The following KATNIP variants were observed in gnomAD, a reference collection of about 807,000 sequenced individuals.
The protein encoded by KATNIP is katanin-interacting protein.
In KATNIP, 126 loss-of-function variants were observed where a neutral mutation model predicts 174.0. The observed-to-expected ratio is 0.72, with a 90% CI of 0.63 to 0.84. KATNIP has a LOEUF of 0.84. Ranked by LOEUF, KATNIP falls within the 40% of genes least tolerant of loss-of-function variation. The probability of loss-of-function intolerance (pLI) is 0.00; values close to 1 mark genes in which losing one functional copy is unlikely to be tolerated. For synonymous variants in KATNIP, 810 were observed against 835.7 expected (o/e 0.97, Z 0.53); for missense variants, 1,958 against 2,109.7 (o/e 0.93, Z 1.41).
At chr16:27,613,687 C>T (rs1028838382) in intron 2 of KATNIP, among the ~76,000 whole-genome samples, 3 of 152,068 alleles carry the variant, frequency 2.0e-5, no homozygotes, top group African/African-American at 4.8e-5. Flanking sequence ...AAAGGAGAAT[C>T]GTGTATATGG....
intron 1 of KATNIP, among the ~76,000 whole-genome samples, chr16:27,565,668 C>G (rs993084929): frequency 2.6e-5 from 4 of 151,658 alleles, no homozygotes; most frequent in Non-Finnish European, 5.9e-5. Flanking sequence ...CCTATAGTGC[C>G]AGCTATTCTG....
intron 1 of KATNIP, among the ~76,000 whole-genome samples, chr16:27,572,262 T>A (rs1049754145): frequency 1.0e-4 from 15 of 147,128 alleles, no homozygotes; most frequent in African/African-American, 1.5e-4. Flanking sequence ...ATAAAAAAAA[T>A]TTTTTTTTTT....
chr16:27,743,555 G>A (rs992283939), intron 15 of KATNIP, among the ~76,000 whole-genome samples: 1 of 152,128 alleles, frequency 6.6e-6, no homozygotes, highest in East Asian at 1.9e-4. Context: ...GAGGGCAGGC[G>A]CCTGGCTCAT....
chr16:27,761,644 G>C lies in KATNIP; in HGVS notation c.3809+54G>C, dbSNP rs1241464273. The C allele has an allele frequency of 6.1e-6, 9 of 1,472,282 alleles. No homozygotes were observed. The Admixed American group carries it at 1.5e-4, about 25-fold the overall frequency. 91.2% of individuals were successfully genotyped at this position (1,472,282 alleles called of 1,614,324 possible). ...ATGCCCACTGGGTTTTGGGGACATT[G>C]TTCTGCCTCTGAGACTTCAGATTCA... On this transcript the variant is annotated intron_variant, in intron 19 of 27. Coordinates refer to ENST00000261588, the MANE Select transcript of KATNIP (RefSeq NM_015202.5).
At chr16:27,571,205 G>A (rs779894833) in intron 1 of KATNIP, among the ~76,000 whole-genome samples, 1 of 151,966 alleles carries the variant, frequency 6.6e-6, no homozygotes, top group Non-Finnish European at 1.5e-5. Flanking sequence ...GCTAATTTTT[G>A]TATTTTTAGT....
At chr16:27,665,606 ATT>A (rs773182744) in intron 6 of KATNIP, among the ~76,000 whole-genome samples, 1,438 of 138,182 alleles carry the variant, frequency 0.01, 21 homozygotes, top group African/African-American at 0.036. Context: ...TGTTTTTATT[ATT>A]TTTTTTTTTT....
intron 1 of KATNIP, among the ~76,000 whole-genome samples, chr16:27,563,785 A>C (rs2089978661): frequency 6.7e-6 from 1 of 150,046 alleles, no homozygotes; most frequent in African/African-American, 2.4e-5. Flanking sequence ...GCAGTGGCTC[A>C]TGCCTCTAAT....
intron 8 of KATNIP, among the ~76,000 whole-genome samples, chr16:27,696,921 G>A (rs1312342737): frequency 3.9e-5 from 6 of 151,916 alleles, no homozygotes; most frequent in South Asian, 4.2e-4. Flanking sequence ...TAGAGACAGG[G>A]TTTCACCATG....
Position 27,778,466 on chromosome 16 carries a change from G to A in KATNIP, c.4802-108G>A, listed in dbSNP as rs1335678215. On this transcript the variant is annotated intron_variant, in intron 27 of 27. Transcript: ENST00000261588. ...GCCCCGAGAGCAGGGACTTTTCCAA[G>A]GGCCTTGAATGGCAACCCAGGCTGC... The A allele has an allele frequency of 7.1e-6, 8 of 1,119,148 alleles. No individual in the cohort carries two copies. The East Asian group carries it at 2.0e-4, about 28-fold the overall frequency. The allele number at this position is 1,119,148 out of a possible 1,614,324, so 69.3% of individuals were successfully genotyped here.
intron 15 of KATNIP, among the ~76,000 whole-genome samples, chr16:27,746,455 G>A (rs2081298756): frequency 6.6e-6 from 1 of 152,156 alleles, no homozygotes; most frequent in Non-Finnish European, 1.5e-5. Flanking sequence ...AGTGGGGGAG[G>A]GCAGAGGACA....
chr16:27,732,414 C>T (rs2080728490), intron 14 of KATNIP, among the ~76,000 whole-genome samples: 1 of 152,232 alleles, frequency 6.6e-6, no homozygotes, highest in Non-Finnish European at 1.5e-5. Flanking sequence ...CCAGAACTCC[C>T]TGTAAGTTTA....
At position 27,573,965 on chromosome 16, in the gene KATNIP, G is replaced by A. The variant is rs1596762515; in HGVS notation, c.63+9G>A. ...CACGAGAGAAAAAGGAGGTAAATGT[G>A]TCCCTGGCGAGGGCTGATGGGAGGC... On this transcript the variant is annotated intron_variant, in intron 2 of 27. Coordinates refer to ENST00000261588, the MANE Select transcript of KATNIP (RefSeq NM_015202.5). 2 of 1,613,794 alleles carry A rather than the reference G, an allele frequency of 1.2e-6. No individual in the cohort carries two copies. Among genetic ancestry groups the A allele is most frequent in the East Asian group, 2.2e-5 (1 of 44,884 alleles).
chr16:27,619,764 G>A (rs1465884830), intron 3 of KATNIP, among the ~76,000 whole-genome samples: 4 of 152,040 alleles, frequency 2.6e-5, no homozygotes, highest in Admixed American at 6.6e-5. Flanking sequence ...AGAGATCTTC[G>A]GAACAGACAA....
intron 6 of KATNIP, among the ~76,000 whole-genome samples, chr16:27,666,483 T>C (rs1298739244): frequency 3.9e-5 from 6 of 152,084 alleles, no homozygotes; most frequent in Non-Finnish European, 8.8e-5. Flanking sequence ...AGTGGTGCAG[T>C]CTTGACTCAC....
chr16:27,717,203 A>G (rs1326019694), intron 13 of KATNIP, among the ~76,000 whole-genome samples: 1 of 151,672 alleles, frequency 6.6e-6, no homozygotes, highest in Non-Finnish European at 1.5e-5. Flanking sequence ...CGCTTTTTTC[A>G]CTCAGCGTAA....
intron 1 of KATNIP, among the ~76,000 whole-genome samples, chr16:27,566,389 CA>C (rs1216552532): frequency 6.6e-6 from 1 of 152,038 alleles, no homozygotes; most frequent in Non-Finnish European, 1.5e-5. Flanking sequence ...TTCAAAAATA[CA>C]CCGGGCGTGG....
chr16:27,742,162 G>A (rs546453807), intron 15 of KATNIP, among the ~76,000 whole-genome samples: 1 of 152,284 alleles, frequency 6.6e-6, no homozygotes, highest in South Asian at 2.1e-4. Flanking sequence ...AAGGCAGGGA[G>A]TCTCAATATT....
At position 27,702,099 on chromosome 16, in the gene KATNIP, T is replaced by C. The variant is rs1001153592; in HGVS notation, c.1286+404T>C. 9.9e-5 allele frequency among the ~76,000 whole-genome samples: 15 copies of C among 152,168 alleles called. 1 individual carries two copies. The highest frequency in any genetic ancestry group is 3.6e-4 in the African/African-American group (15 of 41,440). ...CTGACCCCAAACTCTGTTAAACTAT[T>C]CCTTTAGACTATACTCTGTCTCCCC... is the stretch of plus-strand genomic sequence containing the variant. On this transcript the variant is annotated intron_variant, in intron 11 of 27. Transcript: ENST00000261588.
At chr16:27,571,193 C>T (rs1360457171) in intron 1 of KATNIP, among the ~76,000 whole-genome samples, 2 of 151,910 alleles carry the variant, frequency 1.3e-5, no homozygotes, top group Non-Finnish European at 2.9e-5. Flanking sequence ...CCACCATGCC[C>T]GGCTAATTTT....
Sources: gnomAD v4.1 joint callset for allele counts (sites outside exome capture counted in the v4.1 genomes callset) on GRCh38, gnomAD v4.1.1 for gene constraint, MANE v1.5 for transcripts, NCBI Gene and HGNC (gene_info 2026-07-23, HGNC 2026-07-21) for gene names.